The following ZBTB7A variants were observed in gnomAD, a reference collection of about 807,000 sequenced individuals.
The protein encoded by ZBTB7A is zinc finger and BTB domain containing 7A.
Under a neutral mutation model 26.7 loss-of-function variants are expected in ZBTB7A, and 7 were observed. The observed-to-expected ratio is 0.26, with a 90% CI of 0.15 to 0.49. ZBTB7A has a LOEUF of 0.49. Among genes scored for constraint, ZBTB7A ranks in the 20% least tolerant of loss-of-function variants. The pLI is 0.98. For synonymous variants in ZBTB7A, 452 were observed against 441.0 expected (o/e 1.02, Z -0.31); for missense variants, 617 against 919.5 (o/e 0.67, Z 4.25).
Position 4,046,250 on chromosome 19 carries a change from C to T in ZBTB7A, c.*1502G>A, listed in dbSNP as rs527259831. ...GTCTGGGGGTGAAGCACAAACACCT[C>T]GGGGCGTCTCCCAGGTCCCCTGCGA... On this transcript the variant is annotated 3_prime_UTR_variant, in exon 3 of 3. Transcript: ENST00000322357. 4 of 393,810 alleles carry T rather than the reference C, an allele frequency of 1.0e-5. No homozygotes were observed. In the East Asian group the frequency reaches 1.4e-4, roughly 14 times the overall value. The allele number at this position is 393,810 out of a possible 1,614,324, so 24.4% of individuals were successfully genotyped here. A position where few individuals can be genotyped will look rare whatever the true frequency, so the allele number is the denominator to read the frequency against.
chr19:4,053,509 G>A (rs769284807), intron 2 of ZBTB7A, among the ~76,000 whole-genome samples: 24 of 25,176 alleles, frequency 9.5e-4, no homozygotes, highest in Middle Eastern at 0.019. Flanking sequence ...CTGGGTGTGC[G>A]TGTGTGCGTG....
Position 4,043,701 on chromosome 19 carries a change from CCTCCACCCCCT to C in ZBTB7A, c.*4040_*4050del, listed in dbSNP as rs1568226433. On this transcript the variant is annotated 3_prime_UTR_variant, in exon 3 of 3. Transcript: ENST00000322357. ...CGAGGGATGGGGGTCTCCCTGGCCCCCTCCACCCCCTGGGCCCGGCCCCCCCCCCCCCCCCC... is the reference window on the plus strand; with the variant it reads ...CGAGGGATGGGGGTCTCCCTGGCCCCGGGCCCGGCCCCCCCCCCCCCCCCC... Among the ~76,000 whole-genome samples, 4,064 of 99,434 alleles carry C rather than the reference CCTCCACCCCCT, an allele frequency of 0.041. 431 individuals carry two copies. Among genetic ancestry groups the C allele is most frequent in the African/African-American group, 0.16 (3,834 of 23,624 alleles). The allele number at this position is 99,434 out of a possible 152,430, so 65.2% of individuals were successfully genotyped here. A position where few individuals can be genotyped will look rare whatever the true frequency, so the allele number is the denominator to read the frequency against.
At chr19:4,060,011 T>C (rs1214989497) in intron 1 of ZBTB7A, among the ~76,000 whole-genome samples, 1 of 151,378 alleles carries the variant, frequency 6.6e-6, no homozygotes, top group Non-Finnish European at 1.5e-5. Context: ...TCCCCACCCC[T>C]GCCGGCCAGG....
chr19:4,059,760 A>G (rs1599260900), intron 1 of ZBTB7A, among the ~76,000 whole-genome samples: 2 of 150,976 alleles, frequency 1.3e-5, no homozygotes, highest in East Asian at 2.0e-4. Flanking sequence ...CCCTGCGCCA[A>G]TGCCCCCACC....
At chr19:4,065,710 G>C (rs2040688520) in intron 1 of ZBTB7A, 1 of 135,560 alleles carries the variant, frequency 7.4e-6, no homozygotes, top group African/African-American at 2.7e-5. Context: ...CCGGGCCGCC[G>C]CCCTCCCCGG....
In ZBTB7A at chr19:4,054,713, G is replaced by T. The variant is rs1330504566; in HGVS notation, c.520C>A (p.Pro174Thr). 6 of 1,574,242 alleles carry T rather than the reference G, an allele frequency of 3.8e-6. No homozygotes were observed. The highest frequency in any genetic ancestry group is 1.7e-6 in the Non-Finnish European group (2 of 1,160,004). ...CTGGCAGCGGCGGCGGCGGCCGCGG[G>T]GGGCAGGCTGTTCATGGGGTTGCTC... ...FQSNPMNSLPPAAAAAAASFP... is the reference protein window; with the variant it reads ...FQSNPMNSLPTAAAAAAASFP... The change falls in exon 2 of 3, where the codon CCC becomes ACC. Residue 174 changes from proline (P) to threonine (T), a missense_variant. Coordinates refer to ENST00000322357, the MANE Select transcript of ZBTB7A (RefSeq NM_015898.4).
Position 4,043,396 on chromosome 19 carries a change from G to T in ZBTB7A, c.*4356C>A, listed in dbSNP as rs977532569. On this transcript the variant is annotated 3_prime_UTR_variant, in exon 3 of 3. Coordinates refer to ENST00000322357, the MANE Select transcript of ZBTB7A (RefSeq NM_015898.4). ...TTTTTCATCTTTTGTGTTTTTGTTT[G>T]TTTTTTATTACTTTTAAAGCTTCTC... 6.8e-6 allele frequency among the ~76,000 whole-genome samples: 1 copy of T among 147,178 alleles called. No homozygotes were observed.
At chr19:4,065,381 C>T (rs1383757962) in intron 1 of ZBTB7A, 2 of 145,094 alleles carry the variant, frequency 1.4e-5, no homozygotes, top group Non-Finnish European at 3.1e-5. Flanking sequence ...GCGCGGCCCC[C>T]GCCCGGCCCG....
intron 1 of ZBTB7A, among the ~76,000 whole-genome samples, chr19:4,064,302 C>T (rs551203775): frequency 7.5e-4 from 114 of 152,344 alleles, no homozygotes; most frequent in African/African-American, 2.7e-3. Flanking sequence ...CCTTAGACTT[C>T]GCTTTTCCAG....
At chr19:4,056,857 A>G (rs2040584768) in intron 1 of ZBTB7A, among the ~76,000 whole-genome samples, 1 of 148,250 alleles carries the variant, frequency 6.7e-6, no homozygotes, top group African/African-American at 2.5e-5. Context: ...ACAGAGCGAG[A>G]CTCCGTCTTA....
chr19:4,052,535 C>A lies in ZBTB7A; in HGVS notation c.1262+1436G>T, dbSNP rs1286886724. Among the ~76,000 whole-genome samples the A allele has an allele frequency of 1.3e-5, 2 of 152,016 alleles. No individual in the cohort carries two copies. Among genetic ancestry groups the A allele is most frequent in the African/African-American group, 2.4e-5 (1 of 41,384 alleles). On this transcript the variant is annotated intron_variant, in intron 2 of 2. Transcript: ENST00000322357. This position sits in a 1 kb window ranked among gnomAD's most constrained non-coding sequence, Gnocchi z 4.9. The stretch of plus-strand genomic sequence containing the variant: ...GCTGGGGAGGGGTCAGTCCCAGTTC[C>A]TGTCCCCACGGGGTGGGGTTGGGAA...
chr19:4,063,183 G>A (rs1454184280), intron 1 of ZBTB7A, among the ~76,000 whole-genome samples: 1 of 152,138 alleles, frequency 6.6e-6, no homozygotes, highest in Non-Finnish European at 1.5e-5. Flanking sequence ...TTTCCGCCGC[G>A]GAGGAGAAAA....
rs1599256291 is a variant in ZBTB7A at position 4,054,791 on chromosome 19, G to C, written c.442C>G (p.Gln148Glu). The C allele has an allele frequency of 6.3e-7, 1 of 1,586,258 alleles. No individual in the cohort carries two copies. Among genetic ancestry groups the C allele is most frequent in the Non-Finnish European group, 8.6e-7 (1 of 1,165,902 alleles). Residue 148 changes from glutamine (Q) to glutamate (E), a missense_variant, in exon 2 of 3, where the codon CAA becomes GAA. By Grantham distance (29) the Gln-to-Glu change is conservative. Around this residue, in one of 5 missense-constraint regions of ZBTB7A, gnomAD observed 331 missense variants for 391.3 expected, o/e 0.85. Coordinates refer to ENST00000322357, the MANE Select transcript of ZBTB7A (RefSeq NM_015898.4). ...CGGAGGAGGTTGCGCTGATCAATTT[G>C]ATCTACAAGGTCCAGCTGCCCGGCG... is the stretch of plus-strand genomic sequence containing the variant. ...ADAGQLDLVD[Q>E]IDQRNLLRAK...
chr19:4,063,463 T>G (rs1466659860), intron 1 of ZBTB7A, among the ~76,000 whole-genome samples: 1 of 152,158 alleles, frequency 6.6e-6, no homozygotes, highest in African/African-American at 2.4e-5. Context: ...TCGGCAGGAT[T>G]GCAGAGGGGC....
At chr19:4,056,113 C>T (rs569105972) in intron 1 of ZBTB7A, among the ~76,000 whole-genome samples, 9 of 151,808 alleles carry the variant, frequency 5.9e-5, no homozygotes, top group South Asian at 2.1e-4. Context: ...AGCAATCAGA[C>T]GTCATGTCCC....
At chr19:4,051,291 G>C (rs138759096) in intron 2 of ZBTB7A, among the ~76,000 whole-genome samples, 6 of 151,842 alleles carry the variant, frequency 4.0e-5, no homozygotes, top group Non-Finnish European at 8.8e-5. Flanking sequence ...GAGCCACCTC[G>C]GGTTTCTTCC....
chr19:4,050,426 G>T (rs72976986), intron 2 of ZBTB7A, among the ~76,000 whole-genome samples: 1 of 152,062 alleles, frequency 6.6e-6, no homozygotes, highest in South Asian at 2.1e-4. Flanking sequence ...TGTGAGCCCC[G>T]AGAAGGCAGG....
chr19:4,054,982 G>A lies in ZBTB7A; in HGVS notation c.251C>T (p.Ala84Val). The change falls in exon 2 of 3, where the codon GCG becomes GTG. Residue 84 changes from alanine to valine, a missense_variant. By Grantham distance (64) the Ala-to-Val change is moderately conservative (BLOSUM62 0). Coordinates refer to ENST00000322357, the MANE Select transcript of ZBTB7A (RefSeq NM_015898.4). ...VYEIDFVSAEALTALMDFAYT... is the reference protein window; with the variant it reads ...VYEIDFVSAEVLTALMDFAYT... ...GGCGAAGTCCATGAGCGCGGTGAGC[G>A]CCTCGGCGCTGACGAAGTCGATCTC... 6.2e-7 allele frequency: 1 copy of A among 1,611,992 alleles called. No homozygotes were observed. The highest frequency in any genetic ancestry group is 8.5e-7 in the Non-Finnish European group (1 of 1,179,632).
At chr19:4,058,461 C>T (rs900263120) in intron 1 of ZBTB7A, among the ~76,000 whole-genome samples, 16 of 151,960 alleles carry the variant, frequency 1.1e-4, no homozygotes, top group African/African-American at 3.1e-4. Context: ...GCCTTCCCCT[C>T]GGCTGTGACT....
Sources: allele counts gnomAD v4.1 joint callset (sites outside exome capture counted in the v4.1 genomes callset), GRCh38; gene constraint gnomAD v4.1.1; regional missense constraint gnomAD v4.1.1; non-coding constraint Gnocchi (gnomAD v3.1); transcripts MANE v1.5; gene names NCBI Gene and HGNC (gene_info 2026-07-23, HGNC 2026-07-21).